Variants in FAM240B observed in about 807,000 individuals in gnomAD.
The protein encoded by FAM240B is protein FAM240B.
chr9:38,709,979 T>C (rs917539608), intron 1 of FAM240B, among the ~76,000 whole-genome samples: 3 of 152,154 alleles, frequency 2.0e-5, no homozygotes, highest in Non-Finnish European at 4.4e-5. Context: ...GATGTCTTTT[T>C]GTTGTTGTTG....
intron 1 of FAM240B, among the ~76,000 whole-genome samples, chr9:38,715,453 A>G (rs2119014833): frequency 6.6e-6 from 1 of 152,366 alleles, no homozygotes; most frequent in Non-Finnish European, 1.5e-5. Flanking sequence ...CTGATAGGTC[A>G]GAGGCCACAA....
intron 1 of FAM240B, among the ~76,000 whole-genome samples, chr9:38,716,119 C>T (rs1821300762): frequency 6.6e-6 from 1 of 152,128 alleles, no homozygotes; most frequent in Admixed American, 6.5e-5. Context: ...GGCTTTGACC[C>T]CATAATCTTG....
intron 1 of FAM240B, among the ~76,000 whole-genome samples, chr9:38,718,108 G>A (rs886678849): frequency 1.3e-5 from 2 of 152,128 alleles, no homozygotes; most frequent in African/African-American, 2.4e-5. Flanking sequence ...ATATTTGCTT[G>A]TCAGCATACA....
chr9:38,702,453 T>C (rs1821139828), intron 2 of FAM240B, among the ~76,000 whole-genome samples: 1 of 152,234 alleles, frequency 6.6e-6, no homozygotes, highest in African/African-American at 2.4e-5. Flanking sequence ...GGAGAACACA[T>C]GACTACCATT....
intron 2 of FAM240B, among the ~76,000 whole-genome samples, chr9:38,701,678 C>T (rs1301056073): frequency 6.6e-6 from 1 of 152,074 alleles, no homozygotes; most frequent in African/African-American, 2.4e-5. Context: ...TTGGGGGAGA[C>T]TGATGAAATG....
intron 2 of FAM240B, 110 bp downstream of exon 2, chr9:38,703,747 C>G (rs1821155677): frequency 2.5e-6 from 1 of 397,008 alleles, no homozygotes; most frequent in African/African-American, 2.1e-5. Flanking sequence ...AGCATATGTA[C>G]CTTCCTACAG....
intron 1 of FAM240B, among the ~76,000 whole-genome samples, chr9:38,717,331 G>A (rs1309321834): frequency 6.6e-5 from 10 of 151,996 alleles, no homozygotes; most frequent in Admixed American, 3.9e-4. Context: ...CTGTAATCCC[G>A]GCATTTTGGG....
intron 2 of FAM240B, among the ~76,000 whole-genome samples, chr9:38,701,110 T>G (rs941883504): frequency 6.6e-6 from 1 of 152,222 alleles, no homozygotes; most frequent in African/African-American, 2.4e-5. Context: ...GGATTGGATT[T>G]GCCTTTTATA....
intron 1 of FAM240B, among the ~76,000 whole-genome samples, chr9:38,716,404 G>A (rs532543552): frequency 6.6e-6 from 1 of 152,250 alleles, no homozygotes; most frequent in Admixed American, 6.5e-5. Context: ...CTGGGGAGGC[G>A]GAGCTTGCAG....
At chr9:38,718,789 T>C (rs1821337133) in intron 1 of FAM240B, among the ~76,000 whole-genome samples, 1 of 152,220 alleles carries the variant, frequency 6.6e-6, no homozygotes. Context: ...TGTAGATAGT[T>C]ATTTTAAATG....
At chr9:38,695,290 G>A (rs1387647223) in intron 2 of FAM240B, among the ~76,000 whole-genome samples, 1 of 152,212 alleles carries the variant, frequency 6.6e-6, no homozygotes, top group Non-Finnish European at 1.5e-5. Flanking sequence ...AGGCCGAGGC[G>A]GGCGGATCGC....
intron 2 of FAM240B, among the ~76,000 whole-genome samples, chr9:38,702,049 G>T (rs1460146344): frequency 1.3e-5 from 2 of 152,014 alleles, no homozygotes; most frequent in Non-Finnish European, 2.9e-5. Context: ...AGATCATATT[G>T]CAAGTTTTGC....
intron 2 of FAM240B, among the ~76,000 whole-genome samples, chr9:38,696,605 C>G (rs1821071677): frequency 6.6e-6 from 1 of 152,016 alleles, no homozygotes; most frequent in Non-Finnish European, 1.5e-5. Context: ...GTCAGAAGAT[C>G]GAGACCATCC....
chr9:38,710,954 A>T (rs1280844211), intron 1 of FAM240B, among the ~76,000 whole-genome samples: 1 of 152,156 alleles, frequency 6.6e-6, no homozygotes, highest in South Asian at 2.1e-4. Flanking sequence ...CCAACTCCCA[A>T]GCCCGTGTCA....
intron 2 of FAM240B, among the ~76,000 whole-genome samples, chr9:38,699,148 C>T (rs1223451557): frequency 1.3e-5 from 2 of 152,146 alleles, no homozygotes; most frequent in Admixed American, 1.3e-4. Context: ...ATTTCTTGTT[C>T]TAGATTCTTC....
At chr9:38,701,307 A>T (rs1385053003) in intron 2 of FAM240B, among the ~76,000 whole-genome samples, 2 of 152,112 alleles carry the variant, frequency 1.3e-5, no homozygotes, top group Non-Finnish European at 2.9e-5. Flanking sequence ...CTTTGTTAGG[A>T]CAATGTTTCA....
At chr9:38,710,118 C>T (rs1207041367) in intron 1 of FAM240B, among the ~76,000 whole-genome samples, 1 of 152,140 alleles carries the variant, frequency 6.6e-6, no homozygotes, top group Non-Finnish European at 1.5e-5. Flanking sequence ...TACAGGTGCA[C>T]ACCACCACAC....
chr9:38,718,851 G>C (rs1426292358), intron 1 of FAM240B, among the ~76,000 whole-genome samples: 3 of 151,906 alleles, frequency 2.0e-5, no homozygotes, highest in South Asian at 4.1e-4. Flanking sequence ...ATTTGGCTTA[G>C]AGTTACCATA....
At chr9:38,710,951 C>T (rs544124564) in intron 1 of FAM240B, among the ~76,000 whole-genome samples, 1 of 152,096 alleles carries the variant, frequency 6.6e-6, no homozygotes, top group Non-Finnish European at 1.5e-5. Context: ...AACCCAACTC[C>T]CAAGCCCGTG....
Sources: allele counts gnomAD v4.1 joint callset (sites outside exome capture counted in the v4.1 genomes callset), GRCh38; gene constraint gnomAD v4.1.1; transcripts MANE v1.5; gene names NCBI Gene and HGNC (gene_info 2026-07-23, HGNC 2026-07-21).